CCDC33: variants seen among roughly 807,000 people sequenced by gnomAD.
CCDC33 encodes coiled-coil domain-containing protein 33.
Under a neutral mutation model 91.9 loss-of-function variants are expected in CCDC33, and 94 were observed. The ratio of observed to expected loss-of-function variants is 1.02; its 90% CI spans 0.87 to 1.21. CCDC33 has a LOEUF of 1.21. Ranked by LOEUF, CCDC33 falls within the 50% of genes most tolerant of loss-of-function variation. CCDC33 has a pLI of 0.00. For synonymous variants in CCDC33, 396 were observed against 374.5 expected (o/e 1.06, Z -0.66); for missense variants, 940 against 935.5 (o/e 1.00, Z -0.06).
intron 2 of CCDC33, among the ~76,000 whole-genome samples, chr15:74,220,007 G>A (rs1201548703): frequency 6.6e-6 from 1 of 152,202 alleles, no homozygotes; most frequent in Non-Finnish European, 1.5e-5. Flanking sequence ...GGACTGTCAG[G>A]CTGGGAGAGG....
rs1595878789 is a variant in CCDC33 at position 74,218,683 on chromosome 15, A to G, written c.497A>G (p.Asn166Ser). The change falls in exon 2 of 3, where the codon AAC becomes AGC. Residue 166 changes from asparagine (N) to serine (S), a missense_variant. Physicochemically the swap from Asn to Ser is conservative, Grantham distance 46 (BLOSUM62 1). Transcript: ENST00000635913. This position sits in a 1 kb window ranked among gnomAD's most constrained non-coding sequence, Gnocchi z 4.8. ...GAGGACCTGTACCGCTACTGTGGCA[A>G]CCTGGCTCTGCTCCGGGCTAGCACG... 1 of 1,289,794 alleles carries G rather than the reference A, an allele frequency of 7.8e-7. No homozygotes were observed. The highest frequency in any genetic ancestry group is 1.0e-6 in the Non-Finnish European group (1 of 988,864). The allele number at this position is 1,289,794 out of a possible 1,614,324, so 79.9% of individuals were successfully genotyped here. A position where few individuals can be genotyped will look rare whatever the true frequency, so the allele number is the denominator to read the frequency against.
chr15:74,226,602 G>A (rs1337795809), intron 2 of CCDC33, among the ~76,000 whole-genome samples: 1 of 152,118 alleles, frequency 6.6e-6, no homozygotes, highest in Non-Finnish European at 1.5e-5. Flanking sequence ...GTCAAGGCAG[G>A]CAGATCACAA....
At chr15:74,308,846 G>A (rs1306045296) in intron 11 of CCDC33, among the ~76,000 whole-genome samples, 1 of 152,196 alleles carries the variant, frequency 6.6e-6, no homozygotes, top group Non-Finnish European at 1.5e-5. Context: ...GGACTAGTTT[G>A]GGACTGGAGG....
rs756300168 is a variant in CCDC33 at position 74,336,032 on chromosome 15, C to T, written c.2247C>T (p.Thr749=). ...AGCCCTTGAGCCCCCAGAAGGAGAC[C>T]GCTAACTCTCAGCAGACCTGAGCCC... ...LNKPLSPQKE[T]ANSQQT is the part of the protein sequence containing the mutation. The change falls in exon 19 of 19, where the codon ACC becomes ACT. Residue 749 remains threonine (T), a synonymous_variant. Coordinates refer to ENST00000398814, the MANE Select transcript of CCDC33 (RefSeq NM_025055.5). 17 of 1,613,810 alleles carry T rather than the reference C, an allele frequency of 1.1e-5. 1 individual carries two copies. In the Middle Eastern group the frequency reaches 4.9e-4, roughly 47 times the overall value.
chr15:74,256,052 G>A (rs35545107), intron 2 of CCDC33, among the ~76,000 whole-genome samples: 2,524 of 152,362 alleles, frequency 0.017, 38 homozygotes, highest in Non-Finnish European at 0.023. Context: ...AGCTCCAGCA[G>A]CGACAAGACA....
chr15:74,240,978 G>A lies in CCDC33; in HGVS notation c.22-3007G>A, dbSNP rs144598318. Reference sequence around the variant, plus strand: ...CAGGAGAGCAAGGCTGCTGGGGAGTGGGGGGGTCATGGTGGCCTGCATGAG... The same window carrying A: ...CAGGAGAGCAAGGCTGCTGGGGAGTAGGGGGGTCATGGTGGCCTGCATGAG... On this transcript the variant is annotated intron_variant, in intron 1 of 18. Transcript: ENST00000398814. Among the ~76,000 whole-genome samples the A allele has an allele frequency of 3.3e-3, 509 of 152,252 alleles. 2 individuals are homozygous for A. Among genetic ancestry groups the A allele is most frequent in the African/African-American group, 0.012 (492 of 41,542 alleles).
intron 11 of CCDC33, among the ~76,000 whole-genome samples, chr15:74,310,635 G>A (rs1017954011): frequency 4.5e-4 from 69 of 152,072 alleles, no homozygotes; most frequent in East Asian, 5.8e-4. Context: ...GAGGGTACCC[G>A]CCAGCAGCGA....
At chr15:74,235,340 G>C (rs988780770), upstream of CCDC33, among the ~76,000 whole-genome samples, 7 of 152,204 alleles carry the variant, frequency 4.6e-5, no homozygotes, top group African/African-American at 7.2e-5. Context: ...TGCTCTCTCT[G>C]GAGTGGGGGT....
chr15:74,230,252 G>A (rs1485932780), intron 2 of CCDC33, among the ~76,000 whole-genome samples: 4 of 152,100 alleles, frequency 2.6e-5, no homozygotes, highest in South Asian at 2.1e-4. Flanking sequence ...GAAGAGTTGG[G>A]GTGAGGGGAC....
At chr15:74,333,775 G>C in intron 16 of CCDC33, 106 bp from the exon 17 acceptor site, 1 of 862,852 alleles carries the variant, frequency 1.2e-6, no homozygotes, top group South Asian at 1.7e-5. Context: ...AGCTCAGTCT[G>C]AACTCAGGCC....
At chr15:74,266,655 G>T in intron 3 of CCDC33, 23 bp from the exon 4 acceptor site, 1 of 1,516,616 alleles carries the variant, frequency 6.6e-7, no homozygotes, top group Non-Finnish European at 9.2e-7. Flanking sequence ...AAATAAACCT[G>T]GGCTCATTTT....
At chr15:74,214,814 G>C (rs533197479), upstream of CCDC33, among the ~76,000 whole-genome samples, 1 of 152,322 alleles carries the variant, frequency 6.6e-6, no homozygotes, top group African/African-American at 2.4e-5. Flanking sequence ...GTCACAGATG[G>C]ACTCCAAATG....
chr15:74,203,954 G>A (rs959382389), intron 1 of CCDC33, among the ~76,000 whole-genome samples: 18 of 152,342 alleles, frequency 1.2e-4, no homozygotes, highest in African/African-American at 4.1e-4. Flanking sequence ...AACAGCACGG[G>A]TGAAGTCTCA....
Position 74,330,770 on chromosome 15 carries a change from G to A in CCDC33, c.1545+19G>A. 1 of 1,606,150 alleles carries A rather than the reference G, an allele frequency of 6.2e-7. No homozygotes were observed. The highest frequency in any genetic ancestry group is 8.5e-7 in the Non-Finnish European group (1 of 1,173,772). On this transcript the variant is annotated intron_variant, in intron 13 of 18. Transcript: ENST00000398814. ...GATTCGAGTGAGCTGGGGCTTGTGG[G>A]GGCAGAGGGGAGGGAGCTATGGTGG...
intron 2 of CCDC33, among the ~76,000 whole-genome samples, chr15:74,256,721 C>CA (rs1391936669): frequency 6.6e-6 from 1 of 152,050 alleles, no homozygotes; most frequent in Admixed American, 6.5e-5. Flanking sequence ...TCAAAAAGAG[C>CA]AAAAAAGTAT....
intron 7 of CCDC33, among the ~76,000 whole-genome samples, chr15:74,278,911 G>A (rs545637390): frequency 6.6e-6 from 1 of 152,290 alleles, no homozygotes; most frequent in South Asian, 2.1e-4. Context: ...CCCACACTGC[G>A]GGCACACGGA....
chr15:74,206,234 C>A (rs970994370), intron 1 of CCDC33, among the ~76,000 whole-genome samples: 2 of 152,198 alleles, frequency 1.3e-5, no homozygotes, highest in Non-Finnish European at 1.5e-5. Context: ...CCCCAGCTGC[C>A]CTGCCCAGTC....
chr15:74,269,396 A>G (rs1229659172), intron 5 of CCDC33, among the ~76,000 whole-genome samples: 1 of 152,132 alleles, frequency 6.6e-6, no homozygotes, highest in Non-Finnish European at 1.5e-5. Context: ...CTGAGACCCA[A>G]GGGGAGTATG....
At chr15:74,271,672 G>A (rs750674924) in intron 5 of CCDC33, 31 bp from the exon 6 acceptor site, 2 of 1,575,746 alleles carry the variant, frequency 1.3e-6, no homozygotes, top group Admixed American at 1.7e-5. Context: ...GCCACATGGT[G>A]TTCACCTGCC....
Sources: gnomAD v4.1 joint callset for allele counts (sites outside exome capture counted in the v4.1 genomes callset) on GRCh38, gnomAD v4.1.1 for gene constraint, Gnocchi (gnomAD v3.1) non-coding constraint, MANE v1.5 for transcripts, NCBI Gene and HGNC (gene_info 2026-07-23, HGNC 2026-07-21) for gene names.